The following MYO9A variants were observed in gnomAD, a reference collection of about 807,000 sequenced individuals.
MYO9A encodes unconventional myosin-IXa.
MYO9A carries 103 observed loss-of-function variants against 293.3 expected under a neutral mutation model. That is an observed-to-expected ratio of 0.35 (90% CI 0.30 to 0.41). The LOEUF (loss-of-function observed/expected upper bound fraction) is 0.41. Among genes scored for constraint, MYO9A ranks in the 10% least tolerant of loss-of-function variants. The pLI, the probability that MYO9A is intolerant of heterozygous loss-of-function variation, is 1.00. For missense variants in MYO9A, 2,685 were observed against 3,033.0 expected (o/e 0.89, Z 2.69); for synonymous variants, 1,001 against 1,035.7 (o/e 0.97, Z 0.64).
intron 29 of MYO9A, among the ~76,000 whole-genome samples, chr15:71,880,044 A>ATTCTATAG (rs2056825902): frequency 6.6e-6 from 1 of 152,174 alleles, no homozygotes; most frequent in Non-Finnish European, 1.5e-5. Context: ...ACATTGTATG[A>ATTCTATAG]TTCTATAGTT....
rs760892512 is a variant in MYO9A at position 71,898,979 on chromosome 15, A to C, written c.3524T>G (p.Leu1175Trp). The change falls in exon 25 of 42, where the codon TTG becomes TGG. Residue 1175 changes from leucine (L) to tryptophan (W), a missense_variant. Leu to Trp is a moderately conservative substitution (Grantham distance 61). Around this residue, in one of 10 missense-constraint regions of MYO9A, gnomAD observed 1,434 missense variants for 1,497.7 expected, o/e 0.96. Transcript: ENST00000356056. ...RLRETKPEVG[L>W]VNIKGYGSLE... ...AGATCCATATCCCTTAATATTCACCAATCCAACTTCTGGCTTTGTTTCTCT... is the reference window on the plus strand; with the variant it reads ...AGATCCATATCCCTTAATATTCACCCATCCAACTTCTGGCTTTGTTTCTCT... 6.2e-7 allele frequency: 1 copy of C among 1,613,200 alleles called. No homozygotes were observed. Among genetic ancestry groups the C allele is most frequent in the African/African-American group, 1.3e-5 (1 of 74,860 alleles).
chr15:72,007,753 C>G (rs2077057317), intron 8 of MYO9A, 73 bp downstream of exon 8: 13 of 1,486,444 alleles, frequency 8.7e-6, no homozygotes, highest in Non-Finnish European at 1.2e-5. Context: ...CCGTTTACAC[C>G]TACAAAATAC....
chr15:72,103,194 TC>T (rs2080422535), intron 1 of MYO9A, among the ~76,000 whole-genome samples: 1 of 144,350 alleles, frequency 6.9e-6, no homozygotes, highest in Admixed American at 6.9e-5. Flanking sequence ...AGACTAAGTC[TC>T]AAGAAAAAAA....
chr15:72,108,727 G>A (rs938623232), intron 1 of MYO9A, among the ~76,000 whole-genome samples: 1 of 149,762 alleles, frequency 6.7e-6, no homozygotes, highest in Admixed American at 6.7e-5. Flanking sequence ...AAATATATAC[G>A]AAGTATTTTG....
intron 12 of MYO9A, among the ~76,000 whole-genome samples, chr15:71,970,317 T>C (rs1244012991): frequency 7.9e-5 from 12 of 152,164 alleles, no homozygotes; most frequent in Non-Finnish European, 1.8e-4. Context: ...TAAAGTAACC[T>C]GCCCCATAAC....
At chr15:72,091,436 A>G (rs1170810985) in intron 1 of MYO9A, among the ~76,000 whole-genome samples, 1 of 152,078 alleles carries the variant, frequency 6.6e-6, no homozygotes, top group Non-Finnish European at 1.5e-5. Flanking sequence ...CACATGGCTA[A>G]AACAGTAGAA....
chr15:72,020,054 A>C (rs1311585729), intron 5 of MYO9A, among the ~76,000 whole-genome samples: 1 of 152,100 alleles, frequency 6.6e-6, no homozygotes, highest in Non-Finnish European at 1.5e-5. Flanking sequence ...ACTCAGCCAA[A>C]GATGTAACTT....
At chr15:71,937,641 G>A (rs976711466) in intron 16 of MYO9A, among the ~76,000 whole-genome samples, 7 of 152,104 alleles carry the variant, frequency 4.6e-5, no homozygotes, top group African/African-American at 1.4e-4. Context: ...CTGAGAATTC[G>A]TTTTATTGTG....
intron 15 of MYO9A, among the ~76,000 whole-genome samples, chr15:71,939,469 CCTGCAT>C (rs2058718433): frequency 6.6e-6 from 1 of 152,152 alleles, no homozygotes; most frequent in Non-Finnish European, 1.5e-5. Context: ...GTTTTCTGTT[CCTGCAT>C]TTAGTTTGCT....
chr15:71,982,487 C>A (rs537868378), intron 11 of MYO9A, among the ~76,000 whole-genome samples: 3 of 152,142 alleles, frequency 2.0e-5, no homozygotes, highest in South Asian at 2.1e-4. Context: ...AAATATCCCA[C>A]GCAAACTTGA....
intron 4 of MYO9A, among the ~76,000 whole-genome samples, chr15:72,023,062 G>C (rs913093706): frequency 2.6e-5 from 4 of 152,054 alleles, no homozygotes; most frequent in African/African-American, 9.7e-5. Flanking sequence ...AAAACTATGA[G>C]AACGCTATCT....
intron 38 of MYO9A, 74 bp from the exon 39 acceptor site, chr15:71,849,042 T>G: frequency 1.4e-6 from 2 of 1,385,806 alleles, no homozygotes; most frequent in Non-Finnish European, 1.9e-6. Flanking sequence ...AGACTGTTTT[T>G]GTGGTAGACA....
chr15:71,899,541 G>A (rs552518306), intron 24 of MYO9A, 146 bp downstream of exon 24: 1 of 665,820 alleles, frequency 1.5e-6, no homozygotes, highest in Admixed American at 3.0e-5. Context: ...AATACAATGT[G>A]GGTTAAAATC....
chr15:71,830,708 T>G (rs377686901), intron 39 of MYO9A, among the ~76,000 whole-genome samples: 1 of 152,216 alleles, frequency 6.6e-6, no homozygotes, highest in Non-Finnish European at 1.5e-5. Flanking sequence ...TAGCCACAAG[T>G]AGCTTGTGAC....
intron 6 of MYO9A, among the ~76,000 whole-genome samples, chr15:72,018,508 C>T (rs2077405770): frequency 6.6e-6 from 1 of 151,882 alleles, no homozygotes; most frequent in African/African-American, 2.4e-5. Context: ...AATTTCAATA[C>T]TTATTTTTGG....
At chr15:71,872,234 A>G (rs1470327999) in intron 32 of MYO9A, among the ~76,000 whole-genome samples, 1 of 152,138 alleles carries the variant, frequency 6.6e-6, no homozygotes, top group Non-Finnish European at 1.5e-5. Flanking sequence ...CTTAAAAAAA[A>G]TCAAGGGAGG....
chr15:71,866,011 G>A (rs1204968312), intron 32 of MYO9A, among the ~76,000 whole-genome samples: 1 of 152,074 alleles, frequency 6.6e-6, no homozygotes, highest in Non-Finnish European at 1.5e-5. Flanking sequence ...CTTCAGTAAA[G>A]CTTCTCTATT....
chr15:72,031,826 T>C (rs911312490), intron 3 of MYO9A, among the ~76,000 whole-genome samples: 1 of 152,094 alleles, frequency 6.6e-6, no homozygotes, highest in African/African-American at 2.4e-5. Flanking sequence ...GTAACAAAAT[T>C]AAATTTCTCG....
chr15:71,851,207 T>C (rs766735706), intron 37 of MYO9A, 46 bp downstream of exon 37: 51 of 1,406,480 alleles, frequency 3.6e-5, no homozygotes, highest in Non-Finnish European at 4.0e-5. Flanking sequence ...TTTAAAATAA[T>C]CCAAGAGAAA....
Sources: allele counts gnomAD v4.1 joint callset (sites outside exome capture counted in the v4.1 genomes callset), GRCh38; gene constraint gnomAD v4.1.1; regional missense constraint gnomAD v4.1.1; transcripts MANE v1.5; gene names NCBI Gene and HGNC (gene_info 2026-07-23, HGNC 2026-07-21).